C12orf42: variants seen among roughly 807,000 people sequenced by gnomAD.
C12orf42 encodes the protein chromosome 12 open reading frame 42.
Under a neutral mutation model 21.6 loss-of-function variants are expected in C12orf42, and 25 were observed. The ratio of observed to expected loss-of-function variants is 1.16; its 90% CI spans 0.84 to 1.62. C12orf42 has a LOEUF of 1.62. Among genes scored for constraint, C12orf42 ranks in the 40% most tolerant of loss-of-function variants. The probability of loss-of-function intolerance (pLI) is 0.00; values close to 1 mark genes in which losing one functional copy is unlikely to be tolerated. For missense variants in C12orf42, 483 were observed against 459.3 expected (o/e 1.05, Z -0.47); for synonymous variants, 174 against 175.0 (o/e 0.99, Z 0.05).
intron 10 of C12orf42, among the ~76,000 whole-genome samples, chr12:103,244,298 G>A (rs537784065): frequency 6.0e-4 from 91 of 152,100 alleles, no homozygotes; most frequent in Non-Finnish European, 1.2e-3. Context: ...AAAAAGACAA[G>A]GGTTAACTGC....
At chr12:103,362,951 C>A (rs191704346) in intron 4 of C12orf42, among the ~76,000 whole-genome samples, 10 of 151,996 alleles carry the variant, frequency 6.6e-5, no homozygotes, top group African/African-American at 2.4e-4. Flanking sequence ...AAATCTTCCC[C>A]GGCCTTGCTA....
intron 2 of C12orf42, among the ~76,000 whole-genome samples, chr12:103,434,804 G>A (rs1332244201): frequency 6.6e-6 from 1 of 152,206 alleles, no homozygotes; most frequent in Non-Finnish European, 1.5e-5. Context: ...CAAACTGCAA[G>A]GCGGCAGCGA....
the C12orf42 span, among the ~76,000 whole-genome samples, chr12:103,065,146 C>T: frequency 1.6e-4 from 25 of 152,192 alleles, no homozygotes; most frequent in Non-Finnish European, 3.4e-4. Flanking sequence ...GTGACACCAT[C>T]AAGGATTTGA....
chr12:103,344,505 C>T (rs890307274), intron 4 of C12orf42, among the ~76,000 whole-genome samples: 1 of 152,084 alleles, frequency 6.6e-6, no homozygotes, highest in African/African-American at 2.4e-5. Flanking sequence ...ACATGTCAGC[C>T]CCTACTTTGC....
At chr12:103,539,871 G>A in the C12orf42 span, among the ~76,000 whole-genome samples, 5 of 151,712 alleles carry the variant, frequency 3.3e-5, no homozygotes, top group South Asian at 2.1e-4. Flanking sequence ...GAGCCAACGC[G>A]CTTGGCCTGT....
At chr12:103,507,665 A>T in the C12orf42 span, among the ~76,000 whole-genome samples, 1 of 151,222 alleles carries the variant, frequency 6.6e-6, no homozygotes, top group Non-Finnish European at 1.5e-5. Flanking sequence ...GGAACACAGT[A>T]AGACCTTGTC....
chr12:103,556,978 C>T, the C12orf42 span, among the ~76,000 whole-genome samples: 2 of 151,710 alleles, frequency 1.3e-5, no homozygotes, highest in African/African-American at 4.8e-5. Context: ...AGGATCCTCC[C>T]ACAGAGCCTT....
At chr12:103,519,935 G>C in the C12orf42 span, among the ~76,000 whole-genome samples, 8 of 152,194 alleles carry the variant, frequency 5.3e-5, no homozygotes, top group Non-Finnish European at 1.0e-4. Flanking sequence ...AAAGAGGAGG[G>C]AAGAAGACAA....
At chr12:103,528,919 C>G in the C12orf42 span, among the ~76,000 whole-genome samples, 1 of 152,168 alleles carries the variant, frequency 6.6e-6, no homozygotes, top group East Asian at 1.9e-4. Context: ...AACCAAGGCT[C>G]AGAGAATTTC....
intron 4 of C12orf42, among the ~76,000 whole-genome samples, chr12:103,360,498 C>T (rs1449439539): frequency 2.0e-5 from 3 of 152,018 alleles, no homozygotes; most frequent in South Asian, 2.1e-4. Flanking sequence ...GAATTTAGGG[C>T]TATCAGAGCA....
chr12:103,324,704 T>A (rs1436993232), intron 4 of C12orf42, among the ~76,000 whole-genome samples: 1 of 152,182 alleles, frequency 6.6e-6, no homozygotes, highest in Non-Finnish European at 1.5e-5. Context: ...TGTCCCCTCA[T>A]CCCTATTATG....
intron 2 of C12orf42, among the ~76,000 whole-genome samples, chr12:103,404,758 G>A (rs912163711): frequency 3.3e-5 from 5 of 152,192 alleles, no homozygotes; most frequent in African/African-American, 1.2e-4. Context: ...ATATGTTAGA[G>A]AAGAGGCAAG....
the C12orf42 span, among the ~76,000 whole-genome samples, chr12:103,091,298 G>A: frequency 2.6e-5 from 4 of 151,596 alleles, no homozygotes; most frequent in African/African-American, 9.7e-5. Flanking sequence ...AAACTACCCC[G>A]ATTATCCTGT....
chr12:103,229,527 A>G, the C12orf42 span, among the ~76,000 whole-genome samples: 1 of 152,250 alleles, frequency 6.6e-6, no homozygotes, highest in Non-Finnish European at 1.5e-5. Context: ...TTGGGTATAC[A>G]TTAGTCTAGT....
At chr12:103,203,511 C>A in the C12orf42 span, among the ~76,000 whole-genome samples, 1 of 152,056 alleles carries the variant, frequency 6.6e-6, no homozygotes, top group African/African-American at 2.4e-5. Context: ...AAAAAAATGT[C>A]CACTCTGGGT....
the C12orf42 span, among the ~76,000 whole-genome samples, chr12:103,049,338 G>C: frequency 5.9e-5 from 9 of 151,952 alleles, no homozygotes; most frequent in South Asian, 2.1e-4. Context: ...CCTCTTAAAC[G>C]CCACTGCTGA....
chr12:103,538,841 T>C, the C12orf42 span, among the ~76,000 whole-genome samples: 8 of 152,252 alleles, frequency 5.3e-5, no homozygotes, highest in South Asian at 1.0e-3. Flanking sequence ...CAAATCCTTA[T>C]GGATCCAAGG....
intron 2 of C12orf42, among the ~76,000 whole-genome samples, chr12:103,441,125 C>T (rs561135004): frequency 6.6e-6 from 1 of 152,236 alleles, no homozygotes; most frequent in South Asian, 2.1e-4. Flanking sequence ...ATTGTTTCCT[C>T]CCTAGTTGGA....
At chr12:103,455,612 T>G (rs1444397647) in intron 2 of C12orf42, among the ~76,000 whole-genome samples, 3 of 152,094 alleles carry the variant, frequency 2.0e-5, no homozygotes, top group Non-Finnish European at 4.4e-5. Flanking sequence ...ACAAGATCCC[T>G]GGGGGTGTGA....
Sources: gnomAD v4.1 joint callset for allele counts (sites outside exome capture counted in the v4.1 genomes callset) on GRCh38, gnomAD v4.1.1 for gene constraint, MANE v1.5 for transcripts, NCBI Gene and HGNC (gene_info 2026-07-23, HGNC 2026-07-21) for gene names.